ATP8A1: variants seen among roughly 807,000 people sequenced by gnomAD.
ATP8A1 encodes phospholipid-transporting ATPase IA.
ATP8A1 carries 90 observed loss-of-function variants against 177.7 expected under a neutral mutation model. The ratio of observed to expected loss-of-function variants is 0.51; its 90% CI spans 0.43 to 0.60. The LOEUF is 0.60. Among genes scored for constraint, ATP8A1 ranks in the 20% least tolerant of loss-of-function variants. The pLI is 0.00. For synonymous variants in ATP8A1, 493 were observed against 485.9 expected (o/e 1.01, Z -0.19); for missense variants, 1,072 against 1,392.8 (o/e 0.77, Z 3.67).
chr4:42,650,884 CACTGTG>C (rs2109583438), intron 1 of ATP8A1, among the ~76,000 whole-genome samples: 1 of 152,240 alleles, frequency 6.6e-6, no homozygotes, highest in South Asian at 2.1e-4. Flanking sequence ...CTGAGAACTT[CACTGTG>C]ACTGATTCTG....
intron 1 of ATP8A1, among the ~76,000 whole-genome samples, chr4:42,641,169 G>T (rs1426096336): frequency 6.6e-6 from 1 of 152,024 alleles, no homozygotes; most frequent in Non-Finnish European, 1.5e-5. Context: ...CAGATGACAT[G>T]AAAAAAATCA....
At chr4:42,524,938 G>GT in intron 20 of ATP8A1, 91 bp from the exon 21 acceptor site, 2 of 697,738 alleles carry the variant, frequency 2.9e-6, no homozygotes, top group Non-Finnish European at 4.7e-6. Context: ...GGAAATCAGT[G>GT]TAACAACCAC....
chr4:42,577,495 ATGAT>A (rs1455785142), intron 12 of ATP8A1, among the ~76,000 whole-genome samples: 2 of 152,180 alleles, frequency 1.3e-5, no homozygotes, highest in African/African-American at 2.4e-5. Flanking sequence ...AGACTTTACA[ATGAT>A]TGAAAAAGAA....
In ATP8A1 at chr4:42,412,727, T is replaced by C. The variant is rs1311421378; in HGVS notation, c.*189A>G. 6.4e-6 allele frequency: 3 copies of C among 472,102 alleles called. No individual in the cohort carries two copies. The highest frequency in any genetic ancestry group is 6.0e-5 in the African/African-American group (3 of 49,956). 29.2% of individuals were successfully genotyped at this position (472,102 alleles called of 1,614,324 possible). A position where few individuals can be genotyped will look rare whatever the true frequency, so the allele number is the denominator to read the frequency against. ...ATACCTTAAAAAAATCCAAAAGAGA[T>C]GGTGTTACAGTACAGTTGCACAGTG... On this transcript the variant is annotated 3_prime_UTR_variant, in exon 37 of 37. Coordinates refer to ENST00000381668, the MANE Select transcript of ATP8A1 (RefSeq NM_006095.2).
Position 42,574,588 on chromosome 4 carries a change from T to C in ATP8A1, c.1295+31A>G, listed in dbSNP as rs375734971. On this transcript the variant is annotated intron_variant, in intron 14 of 36. Transcript: ENST00000381668. ...ACTGTTAGCACTAATTAAGCATGTA[T>C]TTCATATCCTAATTAAAGGAAAAAA... 51 of 1,529,368 alleles carry C rather than the reference T, an allele frequency of 3.3e-5. No homozygotes were observed. The African/African-American group carries it at 5.2e-4, about 16-fold the overall frequency. 94.7% of individuals were successfully genotyped at this position (1,529,368 alleles called of 1,614,324 possible).
At chr4:42,455,911 C>A (rs1277010487) in intron 27 of ATP8A1, among the ~76,000 whole-genome samples, 1 of 152,016 alleles carries the variant, frequency 6.6e-6, no homozygotes, top group African/African-American at 2.4e-5. Context: ...TATTTATATG[C>A]CATTAAATTT....
chr4:42,605,920 A>C (rs746066503), intron 5 of ATP8A1, among the ~76,000 whole-genome samples: 17 of 152,262 alleles, frequency 1.1e-4, no homozygotes, highest in Middle Eastern at 3.4e-3. Flanking sequence ...CAAGACAGGT[A>C]TGTATACAAG....
rs1341721719 is a variant in ATP8A1, at chr4:42,444,799, G to A, written c.2959-165C>T. 2.6e-5 allele frequency among the ~76,000 whole-genome samples: 4 copies of A among 152,184 alleles called. No homozygotes were observed. The South Asian group carries it at 6.2e-4, about 24-fold the overall frequency. ...GCAAAGAGACAGGTAAATTAGCTGG[G>A]CAGCTGACGGGACTGTGATAGGTCA... is the stretch of plus-strand genomic sequence containing the variant. On this transcript the variant is annotated intron_variant, in intron 31 of 36. Coordinates refer to ENST00000381668, the MANE Select transcript of ATP8A1 (RefSeq NM_006095.2).
At chr4:42,444,980 A>G (rs559383561) in intron 31 of ATP8A1, among the ~76,000 whole-genome samples, 30 of 152,352 alleles carry the variant, frequency 2.0e-4, no homozygotes, top group African/African-American at 7.2e-4. Context: ...TTGAGTTTTC[A>G]AGCTTACTTT....
chr4:42,486,216 C>T (rs1722187235), intron 24 of ATP8A1, among the ~76,000 whole-genome samples: 1 of 152,010 alleles, frequency 6.6e-6, no homozygotes, highest in Admixed American at 6.6e-5. Context: ...GATTGGCTAG[C>T]AACTTAGAAC....
rs1233238834 is a variant in ATP8A1, at chr4:42,600,507, C to T, written c.421G>A (p.Gly141Ser). 6.2e-7 allele frequency: 1 copy of T among 1,609,264 alleles called. No homozygotes were observed. Among genetic ancestry groups the T allele is most frequent in the East Asian group, 2.2e-5 (1 of 44,534 alleles). The stretch of plus-strand genomic sequence containing the variant: ...TCCCAGTGGACAATTTCCCAAGCAC[C>T]ATTTCTCAAAACTGGAAAGAGAAAA... ...NKKQTQVLRN[G>S]AWEIVHWEKV... Residue 141 changes from glycine to serine, a missense_variant, in exon 6 of 37, where the codon GGT becomes AGT. Around this residue, in one of 5 missense-constraint regions of ATP8A1, gnomAD observed 344 missense variants for 393.5 expected, o/e 0.87. Coordinates refer to ENST00000381668, the MANE Select transcript of ATP8A1 (RefSeq NM_006095.2).
At chr4:42,589,113 T>C (rs892296002) in intron 7 of ATP8A1, among the ~76,000 whole-genome samples, 1 of 152,158 alleles carries the variant, frequency 6.6e-6, no homozygotes, top group African/African-American at 2.4e-5. Flanking sequence ...GTTCTCCAGT[T>C]TTATCACACC....
chr4:42,637,530 T>C (rs1433868533), intron 1 of ATP8A1, among the ~76,000 whole-genome samples: 5 of 152,332 alleles, frequency 3.3e-5, no homozygotes, highest in Middle Eastern at 3.4e-3. Flanking sequence ...CTTTTCATTA[T>C]ACAAAAGGGT....
intron 11 of ATP8A1, among the ~76,000 whole-genome samples, chr4:42,579,185 T>A (rs1732770220): frequency 6.6e-6 from 1 of 151,700 alleles, no homozygotes; most frequent in South Asian, 2.1e-4. Context: ...AATAAAAGGA[T>A]AAATGCTCTA....
chr4:42,647,059 A>T (rs2109568966), intron 1 of ATP8A1, among the ~76,000 whole-genome samples: 1 of 152,084 alleles, frequency 6.6e-6, no homozygotes, highest in African/African-American at 2.4e-5. Context: ...TTGGAAACAA[A>T]ACAGGCTACA....
At chr4:42,472,138 C>CA in intron 25 of ATP8A1, 1 of 650,500 alleles carries the variant, frequency 1.5e-6, no homozygotes, top group Non-Finnish European at 3.0e-6. Context: ...AAAAGCCATA[C>CA]AAAAAATAAG....
At chr4:42,451,542 A>G (rs528432415) in intron 30 of ATP8A1, among the ~76,000 whole-genome samples, 57 of 152,206 alleles carry the variant, frequency 3.7e-4, no homozygotes, top group Non-Finnish European at 6.6e-4. Flanking sequence ...CTCCAAGATG[A>G]ACATAAAAAC....
In ATP8A1 at chr4:42,411,398, A is replaced by G. The variant is rs1712587269; in HGVS notation, c.*1518T>C. On this transcript the variant is annotated 3_prime_UTR_variant, in exon 37 of 37. Coordinates refer to ENST00000381668, the MANE Select transcript of ATP8A1 (RefSeq NM_006095.2). ...CTAGTTGACTTTTTTTAAAAGAGAAAGTTCTACCTATTTTGCTGGTAAGTC... is the reference window on the plus strand; with the variant it reads ...CTAGTTGACTTTTTTTAAAAGAGAAGGTTCTACCTATTTTGCTGGTAAGTC... The G allele has an allele frequency of 6.6e-6, 1 of 152,216 alleles. No individual in the cohort carries two copies. The highest frequency in any genetic ancestry group is 6.5e-5 in the Admixed American group (1 of 15,274). The allele number at this position is 152,216 out of a possible 1,614,324, so 9.4% of individuals were successfully genotyped here.
At chr4:42,646,003 A>G (rs2575472) in intron 1 of ATP8A1, among the ~76,000 whole-genome samples, 77,225 of 151,954 alleles carry the variant, frequency 0.51, 19,748 homozygotes, top group Middle Eastern at 0.55. Context: ...CAGCCACTGG[A>G]ATAACAATAC....
Sources: allele counts gnomAD v4.1 joint callset (sites outside exome capture counted in the v4.1 genomes callset), GRCh38; gene constraint gnomAD v4.1.1; regional missense constraint gnomAD v4.1.1; transcripts MANE v1.5; gene names NCBI Gene and HGNC (gene_info 2026-07-23, HGNC 2026-07-21).